The following NOM1 variants were observed in gnomAD, a reference collection of about 807,000 sequenced individuals.
NOM1 encodes nucleolar protein with MIF4G domain 1.
A neutral mutation model predicts 73.3 loss-of-function variants in NOM1; 58 were observed. The ratio of observed to expected loss-of-function variants is 0.79; its 90% CI spans 0.64 to 0.99. The LOEUF is 0.99. NOM1 is among the 50% of genes least tolerant of loss of function. The pLI is 0.00. For synonymous variants in NOM1, 487 were observed against 446.8 expected (o/e 1.09, Z -1.14); for missense variants, 1,226 against 1,131.9 (o/e 1.08, Z -1.19).
Position 156,949,778 on chromosome 7 carries a change from G to T in NOM1, c.41G>T (p.Gly14Val). The T allele has an allele frequency of 7.2e-7, 1 of 1,398,000 alleles. No individual in the cohort carries two copies. The highest frequency in any genetic ancestry group is 3.3e-5 in the Admixed American group (1 of 29,974). The allele number at this position is 1,398,000 out of a possible 1,614,324, so 86.6% of individuals were successfully genotyped here. Residue 14 changes from glycine to valine, a missense_variant, in exon 1 of 11, where the codon GGC becomes GTC. Physicochemically the swap from Gly to Val is moderately radical, Grantham distance 109. Coordinates refer to ENST00000275820, the MANE Select transcript of NOM1 (RefSeq NM_138400.2). ...SRSAGEAGPG[G>V]SQGRVVRMKR... ...AGCGCGGGAGAGGCCGGCCCGGGCG[G>T]CTCCCAGGGACGCGTGGTCCGCATG...
intron 9 of NOM1, chr7:156,968,654 G>GAT (rs1294028373): frequency 2.3e-5 from 3 of 129,964 alleles, no homozygotes; most frequent in Admixed American, 7.8e-5. Flanking sequence ...CTAGGGCAGA[G>GAT]ATATATATGG....
At chr7:156,966,142 T>C in intron 7 of NOM1, 128 bp from the exon 8 acceptor site, 1 of 1,167,768 alleles carries the variant, frequency 8.6e-7, no homozygotes, top group Non-Finnish European at 1.2e-6. Flanking sequence ...TGCCGCTGCC[T>C]CCACCTCCTT....
chr7:156,962,171 G>T lies in NOM1; in HGVS notation c.1653G>T (p.Thr551=), dbSNP rs186581716. The T allele has an allele frequency of 6.2e-7, 1 of 1,613,964 alleles. No homozygotes were observed. The highest frequency in any genetic ancestry group is 8.5e-7 in the Non-Finnish European group (1 of 1,179,894). ...DQTRIRFMLE[T]MLALKNNDMR... is the part of the protein sequence containing the mutation. ...TGAAGATTCGGTTTATGCTAGAGAC[G>T]ATGTTGGCCCTGAAGAACAATGACA... The change falls in exon 5 of 11, where the codon ACG becomes ACT. Residue 551 remains threonine, a synonymous_variant. Coordinates refer to ENST00000275820, the MANE Select transcript of NOM1 (RefSeq NM_138400.2).
chr7:156,966,942 CT>C lies in NOM1; in HGVS notation c.2167-15del. On this transcript the variant is annotated intron_variant, in intron 8 of 10. Coordinates refer to ENST00000275820, the MANE Select transcript of NOM1 (RefSeq NM_138400.2). ...TTTGTGGCCGTTTGCCTTTTTTCTC[CT>C]TTTAACTATGATACTAGATGACTTT... is the stretch of plus-strand genomic sequence containing the variant. 1.9e-6 allele frequency: 3 copies of C among 1,594,366 alleles called. No homozygotes were observed. The highest frequency in any genetic ancestry group is 2.6e-6 in the Non-Finnish European group (3 of 1,172,928).
At chr7:156,954,018 T>C (rs1804657191) in intron 2 of NOM1, 85 bp from the exon 3 acceptor site, 1 of 1,121,418 alleles carries the variant, frequency 8.9e-7, no homozygotes. Flanking sequence ...ATTGTTGGTA[T>C]GGATAACTCT....
chr7:156,959,876 T>A lies in NOM1; in HGVS notation c.1334T>A (p.Val445Glu). ...IEVGAHFLEA[V>E]VRKFDAIYKY... ...GTCGGTGCCCACTTTCTGGAGGCAG[T>A]GGTGAGGAAGTTCGATGCCATCTAT... The change falls in exon 4 of 11, where the codon GTG (valine) becomes GAG (glutamate). Residue 445 changes from valine (V) to glutamate (E), a missense_variant. Physicochemically the swap from Val to Glu is moderately radical, Grantham distance 121. Transcript: ENST00000275820. The A allele has an allele frequency of 1.2e-6, 2 of 1,614,178 alleles. No individual in the cohort carries two copies. The highest frequency in any genetic ancestry group is 1.7e-6 in the Non-Finnish European group (2 of 1,180,014).
chr7:156,956,076 C>T (rs1804712752), intron 3 of NOM1, among the ~76,000 whole-genome samples: 1 of 152,034 alleles, frequency 6.6e-6, no homozygotes, highest in South Asian at 2.1e-4. Flanking sequence ...GCCTGAAGTC[C>T]CAGCTACTCC....
Position 156,954,165 on chromosome 7 carries a change from G to T in NOM1, c.1175G>T (p.Ser392Ile). The T allele has an allele frequency of 1.2e-6, 2 of 1,613,770 alleles. No individual in the cohort carries two copies. Among genetic ancestry groups the T allele is most frequent in the South Asian group, 1.1e-5 (1 of 91,000 alleles). ...CTGGAGGAACTGTACATGGCCCACAGCAGAAAGGACATGAATGACACCCTG... is the reference window on the plus strand; with the variant it reads ...CTGGAGGAACTGTACATGGCCCACATCAGAAAGGACATGAATGACACCCTG... ...GQLEELYMAH[S>I]RKDMNDTLTS... Residue 392 changes from serine (S) to isoleucine (I), a missense_variant, in exon 3 of 11, where the codon AGC becomes ATC. Coordinates refer to ENST00000275820, the MANE Select transcript of NOM1 (RefSeq NM_138400.2).
At position 156,963,941 on chromosome 7, in the gene NOM1, A is replaced by G; in HGVS notation, c.1948A>G (p.Arg650Gly). The change falls in exon 7 of 11, where the codon AGG becomes GGG. Residue 650 changes from arginine to glycine, a missense_variant. Arg to Gly is a moderately radical substitution (Grantham distance 125). Coordinates refer to ENST00000275820, the MANE Select transcript of NOM1 (RefSeq NM_138400.2). ...GATCCTAGAACTCGCCCGGAAGCAG[A>G]GGATGAACACAGACATCCGGAGAAA... ...SKILELARKQ[R>G]MNTDIRRNIF... The G allele has an allele frequency of 6.2e-7, 1 of 1,614,196 alleles. No individual in the cohort carries two copies. The highest frequency in any genetic ancestry group is 1.1e-5 in the South Asian group (1 of 91,078).
rs908027552 is a variant in NOM1, at chr7:156,972,036, G to C, written c.*2333G>C. The C allele has an allele frequency of 1.3e-5, 2 of 152,254 alleles. No individual in the cohort carries two copies. Among genetic ancestry groups the C allele is most frequent in the African/African-American group, 4.8e-5 (2 of 41,462 alleles). The allele number at this position is 152,254 out of a possible 1,614,324, so 9.4% of individuals were successfully genotyped here. ...ACAGATCAGTTCTACTGGACTTGTA[G>C]CTTGATAGTGAAATAAGGAGCTTGG... On this transcript the variant is annotated 3_prime_UTR_variant, in exon 11 of 11. Coordinates refer to ENST00000275820, the MANE Select transcript of NOM1 (RefSeq NM_138400.2).
chr7:156,958,170 C>T (rs114619211), intron 3 of NOM1, among the ~76,000 whole-genome samples: 1,915 of 152,264 alleles, frequency 0.013, 39 homozygotes, highest in African/African-American at 0.044. Context: ...GCCTTGCCTG[C>T]GATTTTCACT....
chr7:156,966,265 T>A lies in NOM1; in HGVS notation c.2034-5T>A. ...TGTTCCAGTCATTGCTGTTCTGTTT[T>A]CTAGGCTTGGACTTAAGGATCAGCA... On this transcript the variant is annotated splice_region_variant and splice_polypyrimidine_tract_variant and intron_variant, in intron 7 of 10. Transcript: ENST00000275820. 1 of 1,613,590 alleles carries A rather than the reference T, an allele frequency of 6.2e-7. No homozygotes were observed. Among genetic ancestry groups the A allele is most frequent in the Non-Finnish European group, 8.5e-7 (1 of 1,180,024 alleles).
chr7:156,951,815 C>T (rs908650977), intron 1 of NOM1, among the ~76,000 whole-genome samples: 1 of 151,932 alleles, frequency 6.6e-6, no homozygotes, highest in African/African-American at 2.4e-5. Flanking sequence ...TCATGCCATT[C>T]TCCTGCCTCA....
chr7:156,963,836 T>G, intron 6 of NOM1, 69 bp from the exon 7 acceptor site: 3 of 1,556,670 alleles, frequency 1.9e-6, no homozygotes, highest in Non-Finnish European at 2.6e-6. Flanking sequence ...TGAAGTACAG[T>G]TTGGCACCTC....
Position 156,969,901 on chromosome 7 carries a change from G to T in NOM1, c.*198G>T, listed in dbSNP as rs934192887. ...CCATTTTCAAATAACTATCTTGGGG[G>T]TGAGAGGAGAAGGAGGGAGGGAAAA... On this transcript the variant is annotated 3_prime_UTR_variant, in exon 11 of 11. Coordinates refer to ENST00000275820, the MANE Select transcript of NOM1 (RefSeq NM_138400.2). The T allele has an allele frequency of 4.2e-6, 2 of 471,020 alleles. No homozygotes were observed. The highest frequency in any genetic ancestry group is 3.9e-5 in the East Asian group (1 of 25,952). 29.2% of individuals were successfully genotyped at this position (471,020 alleles called of 1,614,324 possible).
At position 156,954,802 on chromosome 7, in the gene NOM1, C is replaced by A. The variant is rs559804718; in HGVS notation, c.1308+504C>A. Among the ~76,000 whole-genome samples the A allele has an allele frequency of 3.3e-5, 5 of 152,338 alleles. No homozygotes were observed. In the East Asian group the frequency reaches 9.6e-4, roughly 29 times the overall value. ...GATTACAGGCGGGAGCTGCCATGCC[C>A]AGCCCTGTTCTGTCCAGCCTAGCAT... On this transcript the variant is annotated intron_variant, in intron 3 of 10. Transcript: ENST00000275820.
intron 3 of NOM1, among the ~76,000 whole-genome samples, chr7:156,954,850 C>A (rs1212847049): frequency 1.3e-5 from 2 of 152,210 alleles, no homozygotes; most frequent in Admixed American, 6.5e-5. Context: ...AGTTAATTTT[C>A]TTCTCGACTG....
Position 156,962,143 on chromosome 7 carries a change from T to G in NOM1, c.1633-8T>G. 1 of 1,611,988 alleles carries G rather than the reference T, an allele frequency of 6.2e-7. No individual in the cohort carries two copies. Among genetic ancestry groups the G allele is most frequent in the South Asian group, 1.1e-5 (1 of 91,014 alleles). ...GATGGACTTTCCATTTTTTCATTTT[T>G]CTTGAAGATTCGGTTTATGCTAGAG... On this transcript the variant is annotated splice_region_variant and splice_polypyrimidine_tract_variant and intron_variant, in intron 4 of 10. Transcript: ENST00000275820.
intron 3 of NOM1, among the ~76,000 whole-genome samples, chr7:156,957,427 A>T (rs566100169): frequency 1.3e-5 from 2 of 152,230 alleles, no homozygotes; most frequent in East Asian, 3.8e-4. Context: ...TTTTGAAGAC[A>T]TTAAATGGAA....
Sources: gnomAD v4.1 joint callset for allele counts (sites outside exome capture counted in the v4.1 genomes callset) on GRCh38, gnomAD v4.1.1 for gene constraint, MANE v1.5 for transcripts, NCBI Gene and HGNC (gene_info 2026-07-23, HGNC 2026-07-21) for gene names.